CEP112: variants seen among roughly 807,000 people sequenced by gnomAD.
CEP112 encodes centrosomal protein 112.
A neutral mutation model predicts 153.0 loss-of-function variants in CEP112; 127 were observed. The observed-to-expected ratio is 0.83, with a 90% CI of 0.72 to 0.96. The LOEUF (loss-of-function observed/expected upper bound fraction) is 0.96. Among genes scored for constraint, CEP112 ranks in the 40% least tolerant of loss-of-function variants. CEP112 has a pLI of 0.00. For missense variants in CEP112, 1,089 were observed against 1,101.2 expected (o/e 0.99, Z 0.16); for synonymous variants, 358 against 374.4 (o/e 0.96, Z 0.51).
At chr17:65,698,791 G>A (rs577092485) in intron 23 of CEP112, among the ~76,000 whole-genome samples, 18 of 152,054 alleles carry the variant, frequency 1.2e-4, no homozygotes, top group Non-Finnish European at 1.5e-4. Context: ...GAATTTCCTC[G>A]TCTGGCCAGG....
chr17:65,882,435 G>A (rs995606416), intron 20 of CEP112, among the ~76,000 whole-genome samples: 2 of 152,076 alleles, frequency 1.3e-5, no homozygotes, highest in Non-Finnish European at 2.9e-5. Context: ...AATGGTTCTC[G>A]GAAATCATTA....
intron 21 of CEP112, among the ~76,000 whole-genome samples, chr17:65,811,399 CCTAA>C (rs772092124): frequency 6.6e-6 from 1 of 152,080 alleles, no homozygotes; most frequent in Non-Finnish European, 1.5e-5. Context: ...AGGACGCTAA[CCTAA>C]CTGAGTTAGA....
rs1408234270 is a variant in CEP112 at position 66,027,481 on chromosome 17, G to A, written c.1656+20C>T. 3 of 1,342,198 alleles carry A rather than the reference G, an allele frequency of 2.2e-6. No individual in the cohort carries two copies. Among genetic ancestry groups the A allele is most frequent in the South Asian group, 2.7e-5 (2 of 72,940 alleles). The allele number at this position is 1,342,198 out of a possible 1,614,324, so 83.1% of individuals were successfully genotyped here. On this transcript the variant is annotated intron_variant, in intron 16 of 26. Transcript: ENST00000535342. ...CATTTGCTATTTTAAATATTTTATA[G>A]CTTCCATAAAACATATTACCTTTTT...
chr17:66,164,630 T>G (rs143185594), intron 4 of CEP112, among the ~76,000 whole-genome samples: 5,113 of 146,626 alleles, frequency 0.035, 127 homozygotes, highest in Middle Eastern at 0.068. Flanking sequence ...GGCCGAGGCA[T>G]ATGGATCACA....
At position 66,042,914 on chromosome 17, in the gene CEP112, C is replaced by T. The variant is rs1299746276; in HGVS notation, c.1218+10822G>A. 3.3e-5 allele frequency among the ~76,000 whole-genome samples: 5 copies of T among 151,898 alleles called. 1 individual carries two copies. The South Asian group carries it at 1.0e-3, about 32-fold the overall frequency. ...AATTGGTGCTATTTGGAGATTCTCT[C>T]GATTATAATCATTGTGAGCTTGGGA... On this transcript the variant is annotated intron_variant, in intron 12 of 26. Coordinates refer to ENST00000535342, the MANE Select transcript of CEP112 (RefSeq NM_001199165.4).
chr17:65,861,235 T>A (rs145178448), intron 20 of CEP112, among the ~76,000 whole-genome samples: 1 of 152,328 alleles, frequency 6.6e-6, no homozygotes, highest in African/African-American at 2.4e-5. Flanking sequence ...AGGTGAATTG[T>A]ATGGAATGGC....
In CEP112 at chr17:65,943,541, A is replaced by G. The variant is rs143092879; in HGVS notation, c.1873-15852T>C. ...TAAGAATGTTGAATATTGGCCGCCA[A>G]TCTCTTCTGGCTTGTAGGGTTTCTG... On this transcript the variant is annotated intron_variant, in intron 18 of 26. Coordinates refer to ENST00000535342, the MANE Select transcript of CEP112 (RefSeq NM_001199165.4). 5.9e-3 allele frequency among the ~76,000 whole-genome samples: 905 copies of G among 152,254 alleles called. 10 individuals carry two copies. Among genetic ancestry groups the G allele is most frequent in the African/African-American group, 0.021 (875 of 41,560 alleles).
intron 8 of CEP112, 132 bp downstream of exon 8, chr17:66,096,119 G>C (rs1165592926): frequency 1.1e-5 from 7 of 611,112 alleles, no homozygotes; most frequent in Non-Finnish European, 2.0e-5. Flanking sequence ...CATGCATCAT[G>C]TTTTATATTT....
intron 21 of CEP112, chr17:65,826,588 G>T (rs1326636429): frequency 8.0e-7 from 1 of 1,244,890 alleles, no homozygotes; most frequent in South Asian, 1.9e-5. Flanking sequence ...TTGTGATTCT[G>T]GTCTCCCAGG....
chr17:66,061,999 T>G (rs1246106614), intron 11 of CEP112, among the ~76,000 whole-genome samples: 1 of 152,068 alleles, frequency 6.6e-6, no homozygotes, highest in Admixed American at 6.6e-5. Flanking sequence ...TCTCATGAGA[T>G]CCGATGGTTT....
At chr17:66,009,068 T>C (rs10775399) in intron 16 of CEP112, among the ~76,000 whole-genome samples, 62,098 of 151,646 alleles carry the variant, frequency 0.41, 14,120 homozygotes, top group East Asian at 0.87. Flanking sequence ...TGCTGAATGA[T>C]ACGGTAGTGC....
intron 23 of CEP112, among the ~76,000 whole-genome samples, chr17:65,716,693 C>G (rs1294481557): frequency 6.6e-6 from 1 of 152,134 alleles, no homozygotes; most frequent in African/African-American, 2.4e-5. Flanking sequence ...AAGTTTCCAT[C>G]TGGGATACAA....
At chr17:65,912,218 T>A (rs1232391202) in intron 19 of CEP112, among the ~76,000 whole-genome samples, 1 of 152,140 alleles carries the variant, frequency 6.6e-6, no homozygotes, top group Non-Finnish European at 1.5e-5. Context: ...CAGCTCATTA[T>A]CACCACAGAT....
At chr17:65,821,671 C>A (rs1219695568) in intron 21 of CEP112, among the ~76,000 whole-genome samples, 1 of 149,798 alleles carries the variant, frequency 6.7e-6, no homozygotes, top group Non-Finnish European at 1.5e-5. Flanking sequence ...CCTCCCTCAG[C>A]CTCCTGAGTA....
intron 17 of CEP112, among the ~76,000 whole-genome samples, chr17:65,999,574 T>G (rs2063935308): frequency 6.6e-6 from 1 of 152,010 alleles, no homozygotes; most frequent in Non-Finnish European, 1.5e-5. Flanking sequence ...TTTTTTTTTT[T>G]TACTTAACTT....
chr17:65,852,682 T>A (rs2058005359), intron 20 of CEP112, among the ~76,000 whole-genome samples: 1 of 151,794 alleles, frequency 6.6e-6, no homozygotes, highest in Admixed American at 6.6e-5. Context: ...AAACTTGCTG[T>A]TTCAAATATT....
intron 23 of CEP112, among the ~76,000 whole-genome samples, chr17:65,702,743 G>A (rs189917010): frequency 1.3e-4 from 20 of 152,276 alleles, no homozygotes; most frequent in Admixed American, 5.9e-4. Context: ...CACATGGCTG[G>A]GGAGGCCTCA....
intron 23 of CEP112, among the ~76,000 whole-genome samples, chr17:65,701,884 TTC>T (rs2048649602): frequency 1.3e-5 from 2 of 150,662 alleles, no homozygotes; most frequent in South Asian, 2.1e-4. Flanking sequence ...TTCCTTCAAC[TTC>T]TTTTTTTTTT....
intron 24 of CEP112, chr17:65,644,367 G>A (rs2045316472): frequency 3.6e-6 from 2 of 563,356 alleles, no homozygotes; most frequent in African/African-American, 3.7e-5. Context: ...ACAAGTTCAA[G>A]TCTGGCATTT....
Sources: allele counts gnomAD v4.1 joint callset (sites outside exome capture counted in the v4.1 genomes callset), GRCh38; gene constraint gnomAD v4.1.1; transcripts MANE v1.5; gene names NCBI Gene and HGNC (gene_info 2026-07-23, HGNC 2026-07-21).